The following RAD51B variants were observed in gnomAD, a reference collection of about 807,000 sequenced individuals.
The protein encoded by RAD51B is RAD51 paralog B.
A neutral mutation model predicts 42.2 loss-of-function variants in RAD51B; 38 were observed. The observed-to-expected ratio is 0.90, with a 90% CI of 0.70 to 1.18. The LOEUF is 1.18. Among genes scored for constraint, RAD51B ranks in the 50% most tolerant of loss-of-function variants. The pLI, the probability that RAD51B is intolerant of heterozygous loss-of-function variation, is 0.00. For missense variants in RAD51B, 373 were observed against 400.7 expected (o/e 0.93, Z 0.59); for synonymous variants, 154 against 145.2 (o/e 1.06, Z -0.43).
chr14:68,611,522 A>G (rs992231798), exon 11 of RAD51B: 3 of 485,884 alleles, frequency 6.2e-6, no homozygotes, highest in African/African-American at 5.8e-5. Flanking sequence ...TCTCTATTGT[A>G]AAAGGATTGC....
chr14:68,258,667 C>G (rs997528950), intron 7 of RAD51B, among the ~76,000 whole-genome samples: 4 of 152,080 alleles, frequency 2.6e-5, no homozygotes. Context: ...CTAATGAACA[C>G]TGCACCTTTT....
chr14:68,009,354 G>A (rs2075646256), intron 7 of RAD51B, among the ~76,000 whole-genome samples: 2 of 151,964 alleles, frequency 1.3e-5, no homozygotes, highest in East Asian at 3.9e-4. Context: ...TTATCAGTTT[G>A]TATTTAACTT....
At chr14:68,438,149 C>G in intron 9 of RAD51B, among the ~76,000 whole-genome samples, 1 of 152,142 alleles carries the variant, frequency 6.6e-6, no homozygotes, top group East Asian at 1.9e-4. Flanking sequence ...CCTGCGACAT[C>G]AGATTTGTAC....
intron 7 of RAD51B, among the ~76,000 whole-genome samples, chr14:68,176,204 T>C (rs950458640): frequency 7.9e-5 from 12 of 152,182 alleles, no homozygotes; most frequent in African/African-American, 2.9e-4. Context: ...TAGGCATGCA[T>C]CTTGGAAAAC....
intron 10 of RAD51B, among the ~76,000 whole-genome samples, chr14:68,572,199 G>A (rs17105872): frequency 0.24 from 35,755 of 152,040 alleles, 4,330 homozygotes; most frequent in Admixed American, 0.29. Flanking sequence ...ATGTAATCTC[G>A]AATCCAGATA....
chr14:68,327,199 T>A lies in RAD51B; in HGVS notation c.853+35219T>A, dbSNP rs553420975. On this transcript the variant is annotated intron_variant, in intron 8 of 10. Coordinates refer to ENST00000471583, the MANE Select transcript of RAD51B (RefSeq NM_133510.4). ...TTAGAAAACTAAAATTTTAATAGAT[T>A]TAAAGTATTTCTGCCATAGTTCTTA... 2.6e-5 allele frequency among the ~76,000 whole-genome samples: 4 copies of A among 152,296 alleles called. No homozygotes were observed. In the South Asian group the frequency reaches 8.3e-4, roughly 32 times the overall value.
chr14:68,149,540 T>C (rs552246238), intron 7 of RAD51B: 20 of 152,364 alleles, frequency 1.3e-4, no homozygotes, highest in African/African-American at 4.6e-4. Context: ...GTTCTATTTA[T>C]CTAGTTATCT....
intron 7 of RAD51B, among the ~76,000 whole-genome samples, chr14:67,946,281 C>T (rs1470635202): frequency 1.3e-5 from 2 of 152,092 alleles, no homozygotes; most frequent in African/African-American, 4.8e-5. Flanking sequence ...TGTTATGTCT[C>T]TTCGTGGAAT....
chr14:67,835,431 A>G (rs961812026), intron 4 of RAD51B, among the ~76,000 whole-genome samples: 2 of 152,110 alleles, frequency 1.3e-5, no homozygotes, highest in African/African-American at 4.8e-5. Flanking sequence ...TGTTTCATTG[A>G]GTTAACTTAG....
intron 7 of RAD51B, among the ~76,000 whole-genome samples, chr14:68,023,634 T>C (rs1389633454): frequency 6.6e-6 from 1 of 152,156 alleles, no homozygotes; most frequent in Non-Finnish European, 1.5e-5. Flanking sequence ...ACCTGCTTTT[T>C]GGTATGTCTT....
chr14:68,410,150 C>T (rs1449765706), intron 8 of RAD51B, among the ~76,000 whole-genome samples: 3 of 152,206 alleles, frequency 2.0e-5, no homozygotes, highest in African/African-American at 7.2e-5. Context: ...CCAGCCTCTA[C>T]CCTCTAGATG....
In RAD51B at chr14:68,511,847, G is replaced by C. The variant is rs1044318363; in HGVS notation, c.1036+43597G>C. Among the ~76,000 whole-genome samples, 41 of 152,134 alleles carry C rather than the reference G, an allele frequency of 2.7e-4. 1 individual carries two copies. Among genetic ancestry groups the C allele is most frequent in the Non-Finnish European group, 1.5e-5 (1 of 68,012 alleles). ...GCTTGACTATCTCATTCTTCACAAG[G>C]CCACTGTTCCCCTTTTGGGTTGATA... On this transcript the variant is annotated intron_variant, in intron 10 of 10. Transcript: ENST00000487270.
chr14:68,652,518 G>A (rs951398060), intron 11 of RAD51B, among the ~76,000 whole-genome samples: 5 of 152,174 alleles, frequency 3.3e-5, no homozygotes, highest in East Asian at 1.9e-4. Context: ...TAGGACCCTC[G>A]GCCATGCGTG....
intron 7 of RAD51B, among the ~76,000 whole-genome samples, chr14:68,252,263 A>G (rs1034976002): frequency 1.3e-5 from 2 of 152,222 alleles, no homozygotes; most frequent in East Asian, 3.8e-4. Flanking sequence ...TATTCTCTGT[A>G]TAGAGACTCA....
intron 11 of RAD51B, among the ~76,000 whole-genome samples, chr14:68,663,524 GA>G (rs1440499547): frequency 6.6e-6 from 1 of 152,142 alleles, no homozygotes; most frequent in African/African-American, 2.4e-5. Context: ...GCTAGCCCTG[GA>G]GGGCTTCATC....
At chr14:68,275,587 T>TCACACA in intron 7 of RAD51B, among the ~76,000 whole-genome samples, 1 of 152,280 alleles carries the variant, frequency 6.6e-6, no homozygotes, top group African/African-American at 2.4e-5. Context: ...TACGCATGGA[T>TCACACA]GACACACAGT....
chr14:67,915,859 A>G (rs530381517), intron 7 of RAD51B, among the ~76,000 whole-genome samples: 1 of 152,290 alleles, frequency 6.6e-6, no homozygotes, highest in East Asian at 1.9e-4. Context: ...TTTCCTCCCT[A>G]GCTCTTATTT....
intron 7 of RAD51B, among the ~76,000 whole-genome samples, chr14:68,174,753 G>A (rs954805289): frequency 5.3e-5 from 8 of 152,080 alleles, no homozygotes; most frequent in African/African-American, 1.2e-4. Context: ...TCTTCTCAAC[G>A]GGTCTGCAAA....
At chr14:68,543,123 A>G (rs1888052081) in intron 10 of RAD51B, among the ~76,000 whole-genome samples, 1 of 152,140 alleles carries the variant, frequency 6.6e-6, no homozygotes, top group Non-Finnish European at 1.5e-5. Context: ...TCTGCCAACT[A>G]CTCAATTTTA....
Sources: gnomAD v4.1 joint callset for allele counts (sites outside exome capture counted in the v4.1 genomes callset) on GRCh38, gnomAD v4.1.1 for gene constraint, MANE v1.5 for transcripts, NCBI Gene and HGNC (gene_info 2026-07-23, HGNC 2026-07-21) for gene names.